CCDC88C: variants seen among roughly 807,000 people sequenced by gnomAD.
CCDC88C encodes the protein coiled-coil and HOOK domain protein 88C.
CCDC88C carries 131 observed loss-of-function variants against 198.8 expected under a neutral mutation model. The ratio of observed to expected loss-of-function variants is 0.66; its 90% CI spans 0.57 to 0.76. CCDC88C has a LOEUF of 0.76. Ranked by LOEUF, CCDC88C falls within the 30% of genes least tolerant of loss-of-function variation. CCDC88C has a pLI of 0.00. For synonymous variants in CCDC88C, 1,166 were observed against 1,114.7 expected, an observed-to-expected ratio of 1.05 and a Z score of -0.92; for missense variants, 2,553 against 2,631.6, an observed-to-expected ratio of 0.97 and a Z score of 0.65.
intron 10 of CCDC88C, among the ~76,000 whole-genome samples, chr14:91,326,658 A>T (rs1326128762): frequency 1.3e-5 from 2 of 152,202 alleles, no homozygotes; most frequent in East Asian, 3.8e-4. Flanking sequence ...CCCTGAGCCC[A>T]TTTCCTTAAC....
chr14:91,342,573 C>A (rs1313296387), intron 5 of CCDC88C, 110 bp from the exon 6 acceptor site: 1 of 737,156 alleles, frequency 1.4e-6, no homozygotes, highest in Non-Finnish European at 2.4e-6. Context: ...CCCCGGGCTT[C>A]TCCTTCATAA....
intron 25 of CCDC88C, among the ~76,000 whole-genome samples, chr14:91,285,180 G>A (rs1214727939): frequency 6.6e-6 from 1 of 152,146 alleles, no homozygotes; most frequent in Non-Finnish European, 1.5e-5. Flanking sequence ...ACCGGAAAAG[G>A]CCCACAACTC....
At position 91,301,551 on chromosome 14, in the gene CCDC88C, A is replaced by G. The variant is rs189815292; in HGVS notation, c.3636-1481T>C. Among the ~76,000 whole-genome samples, 523 of 152,322 alleles carry G rather than the reference A, an allele frequency of 3.4e-3. 5 individuals are homozygous for G. Among genetic ancestry groups the G allele is most frequent in the African/African-American group, 0.012 (513 of 41,572 alleles). ...GTCAACATGGTGAAACCCCATCTCT[A>G]CTAAAAAATACAAAAATTAGCCGGG... On this transcript the variant is annotated intron_variant, in intron 20 of 29. Coordinates refer to ENST00000389857, the MANE Select transcript of CCDC88C (RefSeq NM_001080414.4).
At chr14:91,304,103 G>GTAC (rs1037030724) in intron 19 of CCDC88C, 125 bp from the exon 20 acceptor site, 14 of 1,129,032 alleles carry the variant, frequency 1.2e-5, no homozygotes, top group Non-Finnish European at 1.8e-5. Context: ...GACCCAGAGG[G>GTAC]TACCCAGGAT....
intron 3 of CCDC88C, among the ~76,000 whole-genome samples, chr14:91,400,304 T>C (rs1355905141): frequency 6.6e-6 from 1 of 152,242 alleles, no homozygotes; most frequent in East Asian, 1.9e-4. Context: ...AAGCTCTAGC[T>C]AGGGAATGGG....
chr14:91,385,632 G>C (rs769811586), intron 3 of CCDC88C, among the ~76,000 whole-genome samples: 5 of 152,144 alleles, frequency 3.3e-5, no homozygotes, highest in Non-Finnish European at 7.4e-5. Flanking sequence ...GTAGTCCAGG[G>C]TGTGCCGAAC....
At chr14:91,322,409 C>G (rs1305823736) in intron 12 of CCDC88C, among the ~76,000 whole-genome samples, 1 of 152,196 alleles carries the variant, frequency 6.6e-6, no homozygotes, top group Non-Finnish European at 1.5e-5. Flanking sequence ...AAACCAACAG[C>G]AGGCGAGAAG....
chr14:91,273,550 CCTT>C lies in CCDC88C; in HGVS notation c.5159_5161del (p.Glu1720del), dbSNP rs760843998. On this transcript the variant is annotated inframe_deletion, in exon 30 of 30. Transcript: ENST00000389857. This position sits in a 1 kb window ranked among gnomAD's most constrained non-coding sequence, Gnocchi z 5.6. ...CACAAAGTTGGTGGGCATCTTGGCC[CCTT>C]CTTTCTTGGCAGGTGGTCCTGGTTG... 1.3e-6 allele frequency: 2 copies of C among 1,509,234 alleles called. No individual in the cohort carries two copies. Among genetic ancestry groups the C allele is most frequent in the Non-Finnish European group, 1.8e-6 (2 of 1,127,344 alleles). 93.5% of individuals were successfully genotyped at this position (1,509,234 alleles called of 1,614,324 possible).
chr14:91,293,547 CCTGT>C (rs1567055838), intron 23 of CCDC88C, among the ~76,000 whole-genome samples: 1,152 of 70,896 alleles, frequency 0.016, 331 homozygotes, highest in Middle Eastern at 0.048. Flanking sequence ...GGCCCACCTT[CCTGT>C]CCCCTCGCCT....
At chr14:91,375,259 C>CTGTGTG (rs763871977) in intron 3 of CCDC88C, among the ~76,000 whole-genome samples, 1 of 151,716 alleles carries the variant, frequency 6.6e-6, no homozygotes, top group Non-Finnish European at 1.5e-5. Context: ...GCGCGCGTGT[C>CTGTGTG]TGTGTGTGTG....
intron 13 of CCDC88C, among the ~76,000 whole-genome samples, chr14:91,317,904 G>T (rs1324260117): frequency 6.6e-6 from 1 of 152,252 alleles, no homozygotes; most frequent in Non-Finnish European, 1.5e-5. Flanking sequence ...ACAGGACAGG[G>T]CAGAGAGATG....
At chr14:91,333,246 A>G (rs1835745950) in intron 10 of CCDC88C, among the ~76,000 whole-genome samples, 1 of 152,236 alleles carries the variant, frequency 6.6e-6, no homozygotes, top group African/African-American at 2.4e-5. Context: ...TTCGAAACAT[A>G]TACTTACTGT....
At chr14:91,412,915 G>C (rs1214565804) in intron 2 of CCDC88C, among the ~76,000 whole-genome samples, 1 of 152,116 alleles carries the variant, frequency 6.6e-6, no homozygotes, top group African/African-American at 2.4e-5. Flanking sequence ...ATCTGCAAAA[G>C]GGAAACATAA....
At chr14:91,318,179 G>C (rs1264514550) in intron 13 of CCDC88C, among the ~76,000 whole-genome samples, 1 of 152,178 alleles carries the variant, frequency 6.6e-6, no homozygotes, top group East Asian at 1.9e-4. Flanking sequence ...TAGCACTTTG[G>C]GAGGCTGAGA....
At chr14:91,342,155 T>C (rs529995544) in intron 6 of CCDC88C, 1 of 404,036 alleles carries the variant, frequency 2.5e-6, no homozygotes, top group African/African-American at 2.0e-5. Flanking sequence ...GAGGTGTTTT[T>C]TTTTTTTAAT....
At chr14:91,328,537 C>T (rs538356771) in intron 10 of CCDC88C, among the ~76,000 whole-genome samples, 19 of 152,184 alleles carry the variant, frequency 1.2e-4, no homozygotes, top group Non-Finnish European at 2.6e-4. Flanking sequence ...CTGAGGGGAC[C>T]ACACTCATGA....
intron 3 of CCDC88C, among the ~76,000 whole-genome samples, chr14:91,365,811 A>T (rs1894507029): frequency 6.6e-6 from 1 of 152,212 alleles, no homozygotes; most frequent in South Asian, 2.1e-4. Context: ...ATTAGAGAAC[A>T]GCACTCTAAC....
intron 3 of CCDC88C, among the ~76,000 whole-genome samples, chr14:91,393,538 T>C (rs756314263): frequency 8.5e-5 from 13 of 152,304 alleles, no homozygotes; most frequent in Non-Finnish European, 1.6e-4. Flanking sequence ...CTGCCCCAGG[T>C]GGTTATCAAA....
rs766317492 is a variant in CCDC88C at position 91,273,713 on chromosome 14, C to T, written c.5059-60G>A. 34 of 1,364,280 alleles carry T rather than the reference C, an allele frequency of 2.5e-5. No individual in the cohort carries two copies. In the East Asian group the frequency reaches 3.0e-4, roughly 12 times the overall value. The allele number at this position is 1,364,280 out of a possible 1,614,324, so 84.5% of individuals were successfully genotyped here. On this transcript the variant is annotated intron_variant, in intron 29 of 29. Transcript: ENST00000389857. This position sits in a 1 kb window ranked among gnomAD's most constrained non-coding sequence, Gnocchi z 5.6. ...TGAGGGTTGGGTGGGTCCTTGGAGC[C>T]GCCTCCTGCGCGGGACGCCCCCGAG...
Sources: allele counts gnomAD v4.1 joint callset (sites outside exome capture counted in the v4.1 genomes callset), GRCh38; gene constraint gnomAD v4.1.1; non-coding constraint Gnocchi (gnomAD v3.1); transcripts MANE v1.5; gene names NCBI Gene and HGNC (gene_info 2026-07-23, HGNC 2026-07-21).